SERINC5: variants seen among roughly 807,000 people sequenced by gnomAD.
The protein encoded by SERINC5 is serine incorporator 5, also known as chromosome 5 open reading frame 12.
SERINC5 carries 41 observed loss-of-function variants against 63.1 expected under a neutral mutation model. That is an observed-to-expected ratio of 0.65 (90% CI 0.51 to 0.84). The LOEUF (loss-of-function observed/expected upper bound fraction) is 0.84. SERINC5 is among the 40% of genes least tolerant of loss of function. The pLI is 0.00. For synonymous variants in SERINC5, 222 were observed against 215.2 expected, an observed-to-expected ratio of 1.03 and a Z score of -0.28; for missense variants, 523 against 573.0, an observed-to-expected ratio of 0.91 and a Z score of 0.89.
intron 1 of SERINC5, among the ~76,000 whole-genome samples, chr5:80,216,009 T>TC (rs1750644011): frequency 6.6e-6 from 1 of 152,198 alleles, no homozygotes; most frequent in Non-Finnish European, 1.5e-5. Flanking sequence ...CAGGACCCTC[T>TC]CTCTACCTTA....
At chr5:80,148,667 CAA>C (rs559491306) in intron 9 of SERINC5, among the ~76,000 whole-genome samples, 3,100 of 127,644 alleles carry the variant, frequency 0.024, 109 homozygotes, top group African/African-American at 0.082. Context: ...GGCCCTGTCT[CAA>C]AAAAAAAAAA....
chr5:80,193,804 T>C (rs898862072), intron 2 of SERINC5, among the ~76,000 whole-genome samples: 4 of 152,196 alleles, frequency 2.6e-5, no homozygotes, highest in African/African-American at 9.6e-5. Flanking sequence ...AGCTGAGGCA[T>C]AGGAGGGTAC....
downstream of SERINC5, among the ~76,000 whole-genome samples, chr5:80,135,885 G>GA (rs769206046): frequency 9.1e-4 from 126 of 138,502 alleles, no homozygotes; most frequent in African/African-American, 2.1e-3. Context: ...GCAGAGGGAA[G>GA]AAAAAAAAAA....
At chr5:80,242,874 G>C (rs916804992) in intron 1 of SERINC5, among the ~76,000 whole-genome samples, 5 of 152,222 alleles carry the variant, frequency 3.3e-5, no homozygotes, top group African/African-American at 1.2e-4. Context: ...AGTGAGCCAA[G>C]ATCAGGCCTC....
chr5:80,173,215 CAGGAAGGAAAGAAGGAAGGA>C (rs1274923174), intron 5 of SERINC5, among the ~76,000 whole-genome samples: 11 of 128,452 alleles, frequency 8.6e-5, no homozygotes, highest in South Asian at 5.2e-4. Flanking sequence ...AGAGGAAAGG[CAGGAAGGAAAGAAGGAAGGA>C]AGGAAGGAAG....
intron 1 of SERINC5, among the ~76,000 whole-genome samples, chr5:80,250,212 C>T (rs1276222257): frequency 6.6e-6 from 1 of 152,164 alleles, no homozygotes; most frequent in South Asian, 2.1e-4. Flanking sequence ...GTCCACGAAG[C>T]AGAAATTCTG....
At chr5:80,138,411 C>T (rs2112274778), downstream of SERINC5, among the ~76,000 whole-genome samples, 1 of 152,194 alleles carries the variant, frequency 6.6e-6, no homozygotes, top group South Asian at 2.1e-4. Flanking sequence ...GCCTGGCCAA[C>T]ATGGCAAAAC....
downstream of SERINC5, among the ~76,000 whole-genome samples, chr5:80,137,281 T>C (rs1745242770): frequency 6.6e-6 from 1 of 151,940 alleles, no homozygotes; most frequent in South Asian, 2.1e-4. Flanking sequence ...CATACCCCTA[T>C]GTTCACTGTA....
chr5:80,185,440 G>A (rs1465434723), intron 2 of SERINC5, among the ~76,000 whole-genome samples: 1 of 152,136 alleles, frequency 6.6e-6, no homozygotes, highest in East Asian at 1.9e-4. Flanking sequence ...TGCTTACCAC[G>A]GTTCCTAACC....
In SERINC5 at chr5:80,145,650, T is replaced by C. The variant is rs534159920; in HGVS notation, c.1238+440A>G. ...CTTCATTACCATGTTTTCCAGACTG[T>C]CCATATAGAGCTAACTTTCCATTTT... On this transcript the variant is annotated intron_variant, in intron 11 of 11. Transcript: ENST00000507668. 1.6e-4 allele frequency among the ~76,000 whole-genome samples: 24 copies of C among 152,312 alleles called. No individual in the cohort carries two copies. The South Asian group carries it at 5.0e-3, about 32-fold the overall frequency.
chr5:80,247,137 T>C (rs1752202771), intron 1 of SERINC5, among the ~76,000 whole-genome samples: 1 of 152,218 alleles, frequency 6.6e-6, no homozygotes, highest in Non-Finnish European at 1.5e-5. Flanking sequence ...TGTAGACATA[T>C]CAGCTTATAT....
chr5:80,117,285 C>T (rs1744370305), intron 11 of SERINC5, among the ~76,000 whole-genome samples: 1 of 152,088 alleles, frequency 6.6e-6, no homozygotes, highest in East Asian at 1.9e-4. Context: ...TGGGACCTCA[C>T]CTCTCTGAGC....
At chr5:80,168,393 G>A (rs1747441925) in intron 6 of SERINC5, among the ~76,000 whole-genome samples, 1 of 152,054 alleles carries the variant, frequency 6.6e-6, no homozygotes, top group Non-Finnish European at 1.5e-5. Context: ...TAGAGACGGG[G>A]TTTCCCGAAG....
Position 80,141,930 on chromosome 5 carries a change from T to A in SERINC5, c.*1733A>T. On this transcript the variant is annotated 3_prime_UTR_variant, in exon 12 of 12. Coordinates refer to ENST00000507668, the MANE Select transcript of SERINC5 (RefSeq NM_001174072.3). ...AAAGGAATTCATCCCCTGTAATTTG[T>A]TTCCCCATGGGTTTTCTTGGGAGAA... 1 of 985,428 alleles carries A rather than the reference T, an allele frequency of 1.0e-6. No homozygotes were observed. The highest frequency in any genetic ancestry group is 5.2e-4 in the Middle Eastern group (1 of 1,914). The allele number at this position is 985,428 out of a possible 1,614,324, so 61.0% of individuals were successfully genotyped here.
chr5:80,229,050 T>TAGGGGGGGG (rs1561441934), intron 1 of SERINC5, among the ~76,000 whole-genome samples: 1 of 94,104 alleles, frequency 1.1e-5, no homozygotes, highest in Non-Finnish European at 2.1e-5. Context: ...TTTTTTTTTT[T>TAGGGGGGGG]GGGGATGGAG....
chr5:80,158,085 A>T (rs936769082), intron 8 of SERINC5: 1 of 152,246 alleles, frequency 6.6e-6, no homozygotes, highest in African/African-American at 2.4e-5. Flanking sequence ...CAAAATGTAA[A>T]CACAGAAGTA....
In SERINC5 at chr5:80,141,607, T is replaced by C; in HGVS notation, c.*2056A>G. On this transcript the variant is annotated 3_prime_UTR_variant, in exon 12 of 12. Transcript: ENST00000507668. The stretch of plus-strand genomic sequence containing the variant: ...ACCTGCTTCCCCTCAGGGTGTTTCC[T>C]AAAGACAACCCCCAAGGCCCTAGGC... The C allele has an allele frequency of 1.0e-6, 1 of 985,504 alleles. No individual in the cohort carries two copies. Among genetic ancestry groups the C allele is most frequent in the Non-Finnish European group, 1.2e-6 (1 of 830,044 alleles). 61.0% of individuals were successfully genotyped at this position (985,504 alleles called of 1,614,324 possible).
At chr5:80,230,775 TTC>T (rs1333219400) in intron 1 of SERINC5, among the ~76,000 whole-genome samples, 15 of 125,380 alleles carry the variant, frequency 1.2e-4, no homozygotes, top group East Asian at 6.7e-4. Flanking sequence ...CAGGTATAAT[TTC>T]TCTCTTTCTT....
At chr5:80,249,207 C>T (rs561148615) in intron 1 of SERINC5, among the ~76,000 whole-genome samples, 184 of 151,868 alleles carry the variant, frequency 1.2e-3, no homozygotes, top group Middle Eastern at 3.4e-3. Context: ...CCCAGCTACT[C>T]GGGAGGCTGA....
Sources: gnomAD v4.1 joint callset for allele counts (sites outside exome capture counted in the v4.1 genomes callset) on GRCh38, gnomAD v4.1.1 for gene constraint, MANE v1.5 for transcripts, NCBI Gene and HGNC (gene_info 2026-07-23, HGNC 2026-07-21) for gene names.